Variants in RILPL1 observed in about 807,000 individuals in gnomAD.
RILPL1 encodes Rab interacting lysosomal protein like 1, also known as RILP-like protein 1.
Under a neutral mutation model 50.3 loss-of-function variants are expected in RILPL1, and 33 were observed. That is an observed-to-expected ratio of 0.66 (90% CI 0.50 to 0.88). The LOEUF (loss-of-function observed/expected upper bound fraction) is 0.88. RILPL1 is among the 40% of genes least tolerant of loss of function. The pLI is 0.00. For missense variants in RILPL1, 418 were observed against 542.5 expected (o/e 0.77, Z 2.28); for synonymous variants, 205 against 228.6 (o/e 0.90, Z 0.93).
chr12:123,532,714 G>GGGA (rs2139397720), intron 1 of RILPL1, among the ~76,000 whole-genome samples: 1 of 127,866 alleles, frequency 7.8e-6, no homozygotes, highest in Non-Finnish European at 1.7e-5. Flanking sequence ...GGGGGGGGGG[G>GGGA]GGATGAAGAA....
chr12:123,513,670 G>C (rs1884524004), intron 2 of RILPL1: 1 of 152,926 alleles, frequency 6.5e-6, no homozygotes, highest in Non-Finnish European at 1.5e-5. Flanking sequence ...GATACGGAAA[G>C]ACCAGGCCTC....
chr12:123,481,808 C>CG (rs1367756200), intron 6 of RILPL1, among the ~76,000 whole-genome samples: 1 of 151,974 alleles, frequency 6.6e-6, no homozygotes, highest in East Asian at 1.9e-4. Flanking sequence ...CCACTCGCCT[C>CG]GGCCTCCCAA....
chr12:123,486,197 C>A (rs1882323020), intron 4 of RILPL1, among the ~76,000 whole-genome samples: 1 of 152,176 alleles, frequency 6.6e-6, no homozygotes, highest in Non-Finnish European at 1.5e-5. Context: ...GCTAATTTGG[C>A]CAGAGTGGCT....
intron 2 of RILPL1, among the ~76,000 whole-genome samples, chr12:123,512,760 ATG>A (rs1275144706): frequency 2.1e-5 from 1 of 46,582 alleles, no homozygotes; most frequent in African/African-American, 8.5e-5. Flanking sequence ...TGTGTGTGGT[ATG>A]TGTGAGGTCT....
At chr12:123,527,911 T>G (rs927435314) in intron 1 of RILPL1, among the ~76,000 whole-genome samples, 1 of 151,872 alleles carries the variant, frequency 6.6e-6, no homozygotes, top group Non-Finnish European at 1.5e-5. Flanking sequence ...CCCAAAGGAG[T>G]GGAGCCTTCC....
At chr12:123,493,738 C>T (rs1882842892) in intron 4 of RILPL1, among the ~76,000 whole-genome samples, 1 of 151,914 alleles carries the variant, frequency 6.6e-6, no homozygotes. Flanking sequence ...CCCTGGGACA[C>T]AGGACCCGGC....
At chr12:123,508,222 C>T (rs1018426715) in intron 2 of RILPL1, among the ~76,000 whole-genome samples, 7 of 151,924 alleles carry the variant, frequency 4.6e-5, no homozygotes, top group African/African-American at 1.7e-4. Flanking sequence ...ATTGAGACCT[C>T]GTCTCTACTA....
chr12:123,511,090 GGTGTGTGTGTT>G (rs1884126145), intron 2 of RILPL1, among the ~76,000 whole-genome samples: 1 of 129,710 alleles, frequency 7.7e-6, no homozygotes, highest in African/African-American at 3.0e-5. Context: ...GTCTGTGTGT[GGTGTGTGTGTT>G]AGGTCTGTGT....
In RILPL1 at chr12:123,485,563, A is replaced by C; in HGVS notation, c.974+70T>G. 1 of 1,412,296 alleles carries C rather than the reference A, an allele frequency of 7.1e-7. No homozygotes were observed. The highest frequency in any genetic ancestry group is 1.2e-5 in the South Asian group (1 of 80,230). 87.5% of individuals were successfully genotyped at this position (1,412,296 alleles called of 1,614,324 possible). A position where few individuals can be genotyped will look rare whatever the true frequency, so the allele number is the denominator to read the frequency against. On this transcript the variant is annotated intron_variant, in intron 5 of 6. Coordinates refer to ENST00000376874, the MANE Select transcript of RILPL1 (RefSeq NM_178314.5). This position sits in a 1 kb window ranked among gnomAD's most constrained non-coding sequence, Gnocchi z 4.0. ...CTTGTCTTCCAGGGGGTAAGAAGGT[A>C]ACTGTACAGAAACTCTGGCTAACCT...
chr12:123,512,119 TTGTG>T (rs752742295), intron 2 of RILPL1, among the ~76,000 whole-genome samples: 2 of 52,378 alleles, frequency 3.8e-5, no homozygotes, highest in South Asian at 7.0e-4. Flanking sequence ...TGTGTGAGGT[TTGTG>T]TGTGTGTGGT....
At chr12:123,472,780 A>G in intron 6 of RILPL1, 98 bp from the exon 7 acceptor site, 1 of 1,322,458 alleles carries the variant, frequency 7.6e-7, no homozygotes, top group African/African-American at 1.5e-5. Context: ...CAAACTTAGA[A>G]GGGAGCAAAT....
At chr12:123,523,462 G>A (rs753569153) in intron 2 of RILPL1, 33 bp downstream of exon 2, 65 of 1,613,020 alleles carry the variant, frequency 4.0e-5, no homozygotes, top group East Asian at 3.3e-4. Context: ...AGGAATGGCC[G>A]GCCCCCTTGC....
chr12:123,504,971 T>G (rs1362213185), intron 2 of RILPL1, among the ~76,000 whole-genome samples: 1 of 152,218 alleles, frequency 6.6e-6, no homozygotes, highest in East Asian at 1.9e-4. Context: ...AGCCACCTTC[T>G]GGGGGTGCCC....
At chr12:123,523,457 T>TGGCC in intron 2 of RILPL1, 38 bp downstream of exon 2, 1 of 1,612,838 alleles carries the variant, frequency 6.2e-7, no homozygotes, top group Non-Finnish European at 8.5e-7. Context: ...AGAAAAGGAA[T>TGGCC]GGCCGGCCCC....
At chr12:123,521,266 G>A (rs932339970) in intron 2 of RILPL1, among the ~76,000 whole-genome samples, 4 of 151,930 alleles carry the variant, frequency 2.6e-5, no homozygotes, top group Non-Finnish European at 5.9e-5. Context: ...ACATGGGGGT[G>A]CAACTTAGGC....
intron 2 of RILPL1, among the ~76,000 whole-genome samples, chr12:123,520,559 AAAACAAAC>A (rs1199967406): frequency 1.3e-5 from 2 of 152,028 alleles, no homozygotes; most frequent in African/African-American, 4.8e-5. Context: ...ACTCCGTCTC[AAAACAAAC>A]AAACAAACAA....
At chr12:123,511,268 G>A (rs1884161999) in intron 2 of RILPL1, among the ~76,000 whole-genome samples, 1 of 121,490 alleles carries the variant, frequency 8.2e-6, no homozygotes, top group Non-Finnish European at 1.6e-5. Context: ...CTGTGTGTGT[G>A]TGGTGTGTGC....
intron 2 of RILPL1, among the ~76,000 whole-genome samples, chr12:123,499,971 G>A (rs1231033516): frequency 4.0e-5 from 6 of 149,020 alleles, no homozygotes; most frequent in South Asian, 2.1e-4. Context: ...TCGCTCTGTC[G>A]CCCAGGCTGG....
chr12:123,479,088 G>A (rs1192830773), intron 6 of RILPL1, among the ~76,000 whole-genome samples: 2 of 152,116 alleles, frequency 1.3e-5, no homozygotes, highest in African/African-American at 2.4e-5. Context: ...CCAGAGACTC[G>A]GGGAGGGGAG....
Sources: allele counts gnomAD v4.1 joint callset (sites outside exome capture counted in the v4.1 genomes callset), GRCh38; gene constraint gnomAD v4.1.1; non-coding constraint Gnocchi (gnomAD v3.1); transcripts MANE v1.5; gene names NCBI Gene and HGNC (gene_info 2026-07-23, HGNC 2026-07-21).